The following STK33 variants were observed in gnomAD, a reference collection of about 807,000 sequenced individuals.
STK33 encodes serine/threonine kinase 33, also known as serine/threonine-protein kinase 33.
A neutral mutation model predicts 58.0 loss-of-function variants in STK33; 52 were observed. The ratio of observed to expected loss-of-function variants is 0.90; its 90% confidence interval spans 0.72 to 1.13. The LOEUF (loss-of-function observed/expected upper bound fraction) is 1.13. Among genes scored for constraint, STK33 ranks in the 50% most tolerant of loss-of-function variants. STK33 has a pLI of 0.00. For synonymous variants in STK33, 215 were observed against 200.1 expected (o/e 1.07, Z -0.63); for missense variants, 630 against 604.2 (o/e 1.04, Z -0.45).
chr11:8,483,763 A>C (rs1244545027), intron 1 of STK33, among the ~76,000 whole-genome samples: 1 of 152,254 alleles, frequency 6.6e-6, no homozygotes. Context: ...CAAATTCACT[A>C]TAGTCAGTGT....
At chr11:8,448,080 T>C (rs1945744609) in intron 11 of STK33, among the ~76,000 whole-genome samples, 2 of 152,304 alleles carry the variant, frequency 1.3e-5, no homozygotes, top group South Asian at 2.1e-4. Context: ...TTACAAGGGA[T>C]GTGAAGGAAC....
At chr11:8,360,384 C>T in the STK33 span, among the ~76,000 whole-genome samples, 1 of 152,368 alleles carries the variant, frequency 6.6e-6, no homozygotes, top group Admixed American at 6.5e-5. Flanking sequence ...AGAGGCTAGG[C>T]AGAAACACAC....
intron 1 of STK33, among the ~76,000 whole-genome samples, chr11:8,564,994 A>C (rs1957353225): frequency 6.6e-6 from 1 of 152,174 alleles, no homozygotes; most frequent in Non-Finnish European, 1.5e-5. Flanking sequence ...ACACTGACAG[A>C]CCAAATTAGT....
At chr11:8,489,272 G>GAAAAAAAAAAAAAAAAAAAAAAAAAGA in intron 1 of STK33, among the ~76,000 whole-genome samples, 1 of 126,594 alleles carries the variant, frequency 7.9e-6, no homozygotes, top group Non-Finnish European at 1.6e-5. Flanking sequence ...AAAAAAAAAA[G>GAAAAAAAAAAAAAAAAAAAAAAAAAGA]AAAAAAAAAA....
chr11:8,589,787 A>G (rs1006338369), intron 1 of STK33, among the ~76,000 whole-genome samples: 1 of 152,222 alleles, frequency 6.6e-6, no homozygotes, highest in African/African-American at 2.4e-5. Flanking sequence ...ATTGGTGTTT[A>G]CTTTTATAAT....
At chr11:8,385,298 C>T in the STK33 span, among the ~76,000 whole-genome samples, 3 of 152,212 alleles carry the variant, frequency 2.0e-5, no homozygotes, top group Non-Finnish European at 2.9e-5. Context: ...AATCAGACGT[C>T]GAGCCCTCAA....
At chr11:8,456,747 A>C (rs1362162088) in intron 9 of STK33, among the ~76,000 whole-genome samples, 2 of 152,262 alleles carry the variant, frequency 1.3e-5, no homozygotes, top group Non-Finnish European at 2.9e-5. Flanking sequence ...AAGTACTGTG[A>C]AACCACTCTG....
intron 1 of STK33, among the ~76,000 whole-genome samples, chr11:8,552,118 G>C (rs1374867159): frequency 6.6e-6 from 1 of 152,178 alleles, no homozygotes; most frequent in Non-Finnish European, 1.5e-5. Flanking sequence ...TGGCAAAAAT[G>C]AATGTCCACC....
At chr11:8,349,747 A>G in the STK33 span, among the ~76,000 whole-genome samples, 1 of 152,236 alleles carries the variant, frequency 6.6e-6, no homozygotes, top group Non-Finnish European at 1.5e-5. Context: ...CTCCCCATGC[A>G]GGATGAGACT....
Position 8,523,217 on chromosome 11 carries a change from G to A in STK33, c.-465-42603C>T, listed in dbSNP as rs534332903. Among the ~76,000 whole-genome samples the A allele has an allele frequency of 6.9e-3, 1,054 of 152,060 alleles. 13 individuals are homozygous for A. Among genetic ancestry groups the A allele is most frequent in the African/African-American group, 0.023 (959 of 41,492 alleles). On this transcript the variant is annotated intron_variant, in intron 1 of 15. Transcript: ENST00000687296. ...GCAGCCTCTGCCCAGCCGCCACCCC[G>A]TCTGGGAAGTGAGGAGCGTCTCTGC...
chr11:8,537,635 T>C (rs1955141637), intron 1 of STK33, among the ~76,000 whole-genome samples: 1 of 151,716 alleles, frequency 6.6e-6, no homozygotes, highest in African/African-American at 2.4e-5. Context: ...TGCCAAGCGC[T>C]GTGGCTCATG....
chr11:8,467,760 C>T (rs1367172818), intron 6 of STK33: 1 of 152,328 alleles, frequency 6.6e-6, no homozygotes, highest in African/African-American at 2.4e-5. Flanking sequence ...TCCTGGCCAA[C>T]ATGGTGAAAC....
intron 1 of STK33, among the ~76,000 whole-genome samples, chr11:8,523,167 G>A (rs563379222): frequency 9.4e-4 from 143 of 152,280 alleles, no homozygotes; most frequent in African/African-American, 3.4e-3. Flanking sequence ...AGCTGCCTGC[G>A]ATGGCCTCCC....
chr11:8,588,083 C>A (rs926143146), intron 1 of STK33, among the ~76,000 whole-genome samples: 1 of 152,146 alleles, frequency 6.6e-6, no homozygotes, highest in Non-Finnish European at 1.5e-5. Flanking sequence ...TGGTAGAGAA[C>A]AGAGAGCACT....
chr11:8,558,458 A>G (rs889943904), intron 1 of STK33, among the ~76,000 whole-genome samples: 5 of 152,122 alleles, frequency 3.3e-5, no homozygotes, highest in Non-Finnish European at 7.4e-5. Context: ...GCATTTTTGT[A>G]TATGTTAAAT....
At chr11:8,515,698 T>A (rs558347931) in intron 1 of STK33, among the ~76,000 whole-genome samples, 1 of 152,312 alleles carries the variant, frequency 6.6e-6, no homozygotes, top group African/African-American at 2.4e-5. Context: ...CCAATCAATG[T>A]GATACACCAT....
At chr11:8,588,714 G>A (rs2032117608) in intron 1 of STK33, among the ~76,000 whole-genome samples, 1 of 151,998 alleles carries the variant, frequency 6.6e-6, no homozygotes. Flanking sequence ...ACACTACCAA[G>A]GAGGTAAAAA....
intron 1 of STK33, among the ~76,000 whole-genome samples, chr11:8,496,040 A>G (rs1951032480): frequency 6.6e-6 from 1 of 152,158 alleles, no homozygotes; most frequent in Admixed American, 6.6e-5. Flanking sequence ...TGGTTCACGC[A>G]TACCTATGTA....
At chr11:8,427,239 A>G (rs1942881969) in intron 14 of STK33, among the ~76,000 whole-genome samples, 1 of 152,176 alleles carries the variant, frequency 6.6e-6, no homozygotes, top group Non-Finnish European at 1.5e-5. Flanking sequence ...TTGAATAGAT[A>G]TAACATTTTA....
Sources: allele counts gnomAD v4.1 joint callset (sites outside exome capture counted in the v4.1 genomes callset), GRCh38; gene constraint gnomAD v4.1.1; transcripts MANE v1.5; gene names NCBI Gene and HGNC (gene_info 2026-07-23, HGNC 2026-07-21).